The following SLIT1 variants were observed in gnomAD, a reference collection of about 807,000 sequenced individuals.
The protein encoded by SLIT1 is slit guidance ligand 1.
SLIT1 carries 66 observed loss-of-function variants against 186.1 expected under a neutral mutation model. That is an observed-to-expected ratio of 0.35 (90% CI 0.29 to 0.44). SLIT1 has a LOEUF of 0.44. Among genes scored for constraint, SLIT1 ranks in the 20% least tolerant of loss-of-function variants. SLIT1 has a pLI of 1.00. For synonymous variants in SLIT1, 761 were observed against 833.8 expected (o/e 0.91, Z 1.50); for missense variants, 1,638 against 2,037.4 (o/e 0.80, Z 3.77).
intron 36 of SLIT1, 81 bp downstream of exon 36, chr10:97,002,077 G>A (rs79730774): frequency 0.015 from 14,143 of 942,572 alleles, 140 homozygotes; most frequent in Non-Finnish European, 0.019. Context: ...AAGGGCTGCC[G>A]AGACTGGGAG....
intron 1 of SLIT1, among the ~76,000 whole-genome samples, chr10:97,165,970 C>T (rs571828016): frequency 2.0e-5 from 3 of 152,174 alleles, no homozygotes; most frequent in South Asian, 2.1e-4. Context: ...CCACTGAGCC[C>T]CACACAGCAG....
chr10:97,154,748 G>C (rs1383154456), intron 4 of SLIT1: 2 of 152,260 alleles, frequency 1.3e-5, no homozygotes, highest in East Asian at 1.9e-4. Flanking sequence ...AGGGTGCCAA[G>C]AGCAGGTATC....
chr10:97,116,871 C>G (rs1323835770), intron 4 of SLIT1, among the ~76,000 whole-genome samples: 1 of 152,150 alleles, frequency 6.6e-6, no homozygotes, highest in African/African-American at 2.4e-5. Flanking sequence ...CTCTGGAGCT[C>G]CAAAGACCTG....
Position 97,047,672 on chromosome 10 carries a change from G to A in SLIT1, c.1634+18C>T, listed in dbSNP as rs1440758042. ...CAGTTAGGGACAGGGGAGGGCTGGGGGGGCCAGGGACCCTCACAGTTCTGC... is the reference window on the plus strand; with the variant it reads ...CAGTTAGGGACAGGGGAGGGCTGGGAGGGCCAGGGACCCTCACAGTTCTGC... On this transcript the variant is annotated intron_variant, in intron 16 of 36. Transcript: ENST00000266058. 2 of 1,611,480 alleles carry A rather than the reference G, an allele frequency of 1.2e-6. No homozygotes were observed. Among genetic ancestry groups the A allele is most frequent in the Non-Finnish European group, 1.7e-6 (2 of 1,178,812 alleles).
In SLIT1 at chr10:97,010,519, GT is replaced by G. The variant is rs1848401377; in HGVS notation, c.3341+473del. The stretch of plus-strand genomic sequence containing the variant: ...ACACAACTCTGGGAATAAACTAAAA[GT>G]CATGGAATTTTACATGTAACTGTGT... On this transcript the variant is annotated intron_variant, in intron 31 of 36. Transcript: ENST00000266058. This position sits in a 1 kb window ranked among gnomAD's most constrained non-coding sequence, Gnocchi z 4.8. 6.6e-6 allele frequency among the ~76,000 whole-genome samples: 1 copy of G among 152,212 alleles called. No homozygotes were observed. The highest frequency in any genetic ancestry group is 1.5e-5 in the Non-Finnish European group (1 of 68,034).
At chr10:97,142,359 C>A (rs1849774970) in intron 4 of SLIT1, among the ~76,000 whole-genome samples, 1 of 152,158 alleles carries the variant, frequency 6.6e-6, no homozygotes, top group African/African-American at 2.4e-5. Context: ...GTGTCAAGAT[C>A]ATTTAATGAG....
At chr10:97,132,052 G>A (rs960117541) in intron 4 of SLIT1, among the ~76,000 whole-genome samples, 22 of 152,210 alleles carry the variant, frequency 1.4e-4, no homozygotes, top group African/African-American at 5.1e-4. Flanking sequence ...AAGTAGAAAT[G>A]AAGCTCCGGG....
chr10:97,064,155 C>G lies in SLIT1; in HGVS notation c.629+13G>C. The G allele has an allele frequency of 6.2e-7, 1 of 1,608,958 alleles. No individual in the cohort carries two copies. The highest frequency in any genetic ancestry group is 8.5e-7 in the Non-Finnish European group (1 of 1,177,424). ...CTTGGCTGCCCCGCTCCCAGCTGCCCCGGCTGACTCACAAGGTCCGTAGCT... is the reference window on the plus strand; with the variant it reads ...CTTGGCTGCCCCGCTCCCAGCTGCCGCGGCTGACTCACAAGGTCCGTAGCT... On this transcript the variant is annotated intron_variant, in intron 7 of 36. Coordinates refer to ENST00000266058, the MANE Select transcript of SLIT1 (RefSeq NM_003061.3).
At chr10:97,039,424 G>T (rs1395502273) in intron 21 of SLIT1, among the ~76,000 whole-genome samples, 1 of 152,160 alleles carries the variant, frequency 6.6e-6, no homozygotes, top group Non-Finnish European at 1.5e-5. Flanking sequence ...TTCTCACATG[G>T]TCAATGGGAG....
chr10:97,032,132 A>C (rs936518484), intron 23 of SLIT1, among the ~76,000 whole-genome samples: 1 of 152,238 alleles, frequency 6.6e-6, no homozygotes, highest in Admixed American at 6.5e-5. Flanking sequence ...GACCACTTCC[A>C]GGGAGGACAG....
At chr10:97,111,297 C>T (rs139888960) in intron 4 of SLIT1, among the ~76,000 whole-genome samples, 10 of 152,138 alleles carry the variant, frequency 6.6e-5, no homozygotes, top group African/African-American at 1.4e-4. Context: ...GCCAAGAGTC[C>T]GAGTCATTAA....
chr10:97,057,624 A>T, intron 11 of SLIT1: 1 of 364,922 alleles, frequency 2.7e-6, no homozygotes, highest in South Asian at 4.3e-5. Flanking sequence ...ATCCAAAAGG[A>T]GATTGTTGAG....
intron 1 of SLIT1, among the ~76,000 whole-genome samples, chr10:97,182,377 C>A (rs1327725093): frequency 6.6e-6 from 1 of 152,224 alleles, no homozygotes; most frequent in East Asian, 1.9e-4. Flanking sequence ...ATTTCACAGC[C>A]TCAGAAGAAG....
At chr10:97,144,778 G>C (rs1275254954) in intron 4 of SLIT1, among the ~76,000 whole-genome samples, 3 of 152,168 alleles carry the variant, frequency 2.0e-5, no homozygotes, top group African/African-American at 7.2e-5. Flanking sequence ...CAGCATCCAA[G>C]CAATGCGGCA....
At chr10:97,126,127 C>G (rs960024392) in intron 4 of SLIT1, among the ~76,000 whole-genome samples, 4 of 152,154 alleles carry the variant, frequency 2.6e-5, no homozygotes, top group African/African-American at 9.7e-5. Context: ...ATGTCTCCGT[C>G]TTATTTAATT....
chr10:97,109,421 A>G (rs896664502), intron 4 of SLIT1, among the ~76,000 whole-genome samples: 1 of 152,108 alleles, frequency 6.6e-6, no homozygotes, highest in East Asian at 1.9e-4. Flanking sequence ...GGAAGAAAGT[A>G]GGGCAGAAGG....
chr10:97,156,107 G>C (rs1264508854), intron 4 of SLIT1, among the ~76,000 whole-genome samples: 1 of 152,220 alleles, frequency 6.6e-6, no homozygotes, highest in Non-Finnish European at 1.5e-5. Context: ...CAACCTATCA[G>C]TTACAGGAAA....
chr10:97,088,001 C>T (rs966708449), intron 4 of SLIT1, among the ~76,000 whole-genome samples: 2 of 151,960 alleles, frequency 1.3e-5, no homozygotes, highest in African/African-American at 4.8e-5. Context: ...TTTAATAAGG[C>T]GATTTGTGCG....
At chr10:97,140,354 A>G (rs1849745529) in intron 4 of SLIT1, among the ~76,000 whole-genome samples, 1 of 152,056 alleles carries the variant, frequency 6.6e-6, no homozygotes, top group South Asian at 2.1e-4. Context: ...CAAGGGGCTA[A>G]GCTTCAACTT....
Sources: gnomAD v4.1 joint callset for allele counts (sites outside exome capture counted in the v4.1 genomes callset) on GRCh38, gnomAD v4.1.1 for gene constraint, Gnocchi (gnomAD v3.1) non-coding constraint, MANE v1.5 for transcripts, NCBI Gene and HGNC (gene_info 2026-07-23, HGNC 2026-07-21) for gene names.